The following SPIRE1 variants were observed in gnomAD, a reference collection of about 807,000 sequenced individuals.
SPIRE1 encodes the protein protein spire homolog 1.
A neutral mutation model predicts 94.1 loss-of-function variants in SPIRE1; 40 were observed. The observed-to-expected ratio is 0.43, with a 90% CI of 0.33 to 0.55. The LOEUF (loss-of-function observed/expected upper bound fraction) is 0.55. Ranked by LOEUF, SPIRE1 falls within the 20% of genes least tolerant of loss-of-function variation. The pLI is 0.06. For synonymous variants in SPIRE1, 376 were observed against 371.7 expected (o/e 1.01, Z -0.13); for missense variants, 838 against 975.2 (o/e 0.86, Z 1.87).
chr18:12,456,268 C>G (rs1472758601), intron 12 of SPIRE1, among the ~76,000 whole-genome samples: 1 of 152,206 alleles, frequency 6.6e-6, no homozygotes, highest in Non-Finnish European at 1.5e-5. Context: ...CTCTGTTTTG[C>G]TCCATCCTCA....
chr18:12,593,024 T>G (rs1337788934), intron 2 of SPIRE1, among the ~76,000 whole-genome samples: 1 of 152,226 alleles, frequency 6.6e-6, no homozygotes, highest in East Asian at 1.9e-4. Context: ...AATGTTACTG[T>G]TAGGTTCTCT....
intron 2 of SPIRE1, among the ~76,000 whole-genome samples, chr18:12,561,209 C>A (rs1451813822): frequency 3.3e-5 from 5 of 151,324 alleles, no homozygotes; most frequent in Non-Finnish European, 4.4e-5. Context: ...TCTCCTTACA[C>A]AAGTTACACT....
chr18:12,577,661 A>T lies in SPIRE1; in HGVS notation c.373-30757T>A, dbSNP rs1345137477. On this transcript the variant is annotated intron_variant, in intron 2 of 16. Coordinates refer to ENST00000409402, the MANE Select transcript of SPIRE1 (RefSeq NM_001128626.2). ...ATAAAATAAAAAGTTGACAAATTAG[A>T]GTTGATCAAAATCAAAACTTTTATC... Among the ~76,000 whole-genome samples, 3 of 152,230 alleles carry T rather than the reference A, an allele frequency of 2.0e-5. No individual in the cohort carries two copies. In the East Asian group the frequency reaches 5.8e-4, roughly 29 times the overall value.
chr18:12,533,439 G>A (rs150456029), intron 4 of SPIRE1, among the ~76,000 whole-genome samples: 1 of 152,170 alleles, frequency 6.6e-6, no homozygotes, highest in Non-Finnish European at 1.5e-5. Context: ...GATGAGTAAT[G>A]TGCTGACATA....
At chr18:12,502,127 C>G (rs2033686802) in intron 6 of SPIRE1, among the ~76,000 whole-genome samples, 1 of 152,158 alleles carries the variant, frequency 6.6e-6, no homozygotes, top group Non-Finnish European at 1.5e-5. Flanking sequence ...TAGACTCTAG[C>G]TGAGGACTGT....
At chr18:12,582,716 G>A (rs558030680) in intron 2 of SPIRE1, among the ~76,000 whole-genome samples, 17 of 152,234 alleles carry the variant, frequency 1.1e-4, no homozygotes, top group Admixed American at 4.6e-4. Flanking sequence ...CAGAGCATGG[G>A]AGCCAGGTTA....
intron 2 of SPIRE1, among the ~76,000 whole-genome samples, chr18:12,626,887 T>TATATATA (rs1555634099): frequency 0.029 from 1,524 of 53,382 alleles, 17 homozygotes; most frequent in African/African-American, 0.06. Context: ...TATATATATA[T>TATATATA]TTTTTTTTTT....
chr18:12,501,899 C>T (rs550275834), intron 6 of SPIRE1, among the ~76,000 whole-genome samples: 1 of 152,318 alleles, frequency 6.6e-6, no homozygotes, highest in Non-Finnish European at 1.5e-5. Flanking sequence ...GAGGTTAAGA[C>T]TGTGGTGAGC....
intron 2 of SPIRE1, among the ~76,000 whole-genome samples, chr18:12,618,643 G>A (rs1347088430): frequency 6.6e-6 from 1 of 151,956 alleles, no homozygotes; most frequent in Non-Finnish European, 1.5e-5. Context: ...AACAAAAACC[G>A]CTCCAAATTC....
At chr18:12,595,403 A>G (rs915483316) in intron 2 of SPIRE1, among the ~76,000 whole-genome samples, 1 of 152,220 alleles carries the variant, frequency 6.6e-6, no homozygotes, top group African/African-American at 2.4e-5. Flanking sequence ...CTTAAGTTTG[A>G]GAGAGTCAAA....
At chr18:12,451,554 AG>A (rs1477298307) in intron 16 of SPIRE1, among the ~76,000 whole-genome samples, 1 of 152,166 alleles carries the variant, frequency 6.6e-6, no homozygotes, top group Non-Finnish European at 1.5e-5. Context: ...GAGGTCTCAG[AG>A]GAGGCAGCCC....
rs774082973 is a variant in SPIRE1, at chr18:12,452,373, G to T, written c.1894C>A (p.Pro632Thr). The T allele has an allele frequency of 1.9e-6, 3 of 1,614,174 alleles. No individual in the cohort carries two copies. The highest frequency in any genetic ancestry group is 2.5e-6 in the Non-Finnish European group (3 of 1,180,040). ...GAAAAGATAGGAAGAGTGGAGTATG[G>T]TTTGGAGGGCAGCCGCATCTATTAT... The part of the protein sequence containing the change: ...CCKKMRLPSK[P>T]YSTLPIFSLG... The change falls in exon 16 of 17, where the codon CCA becomes ACA. Residue 632 changes from proline (P) to threonine (T), a missense_variant. Physicochemically the swap from Pro to Thr is conservative, Grantham distance 38 (BLOSUM62 -1). Around this residue, in one of 2 missense-constraint regions of SPIRE1, gnomAD observed 645 missense variants for 804.7 expected, o/e 0.80. Transcript: ENST00000409402.
chr18:12,566,228 C>T (rs1306225892), intron 2 of SPIRE1, among the ~76,000 whole-genome samples: 3 of 151,688 alleles, frequency 2.0e-5, no homozygotes, highest in Non-Finnish European at 2.9e-5. Context: ...CCCAGCTACA[C>T]GGGAGGCTGA....
intron 9 of SPIRE1, among the ~76,000 whole-genome samples, chr18:12,481,006 G>A (rs2032821335): frequency 1.3e-5 from 2 of 152,078 alleles, no homozygotes; most frequent in Admixed American, 1.3e-4. Context: ...CTTTTAGAGG[G>A]GAAAGCACTG....
In SPIRE1 at chr18:12,461,108, C is replaced by T. The variant is rs150807330; in HGVS notation, c.1638+2243G>A. Among the ~76,000 whole-genome samples, 199 of 152,212 alleles carry T rather than the reference C, an allele frequency of 1.3e-3. 1 individual carries two copies. The highest frequency in any genetic ancestry group is 4.5e-3 in the African/African-American group (187 of 41,522). On this transcript the variant is annotated intron_variant, in intron 12 of 16. Coordinates refer to ENST00000409402, the MANE Select transcript of SPIRE1 (RefSeq NM_001128626.2). ...AAAAAAACAGTGCACGGCCTGACCTCGCAACACTAAGAGCTCTGCTTTAAC... is the reference window on the plus strand; with the variant it reads ...AAAAAAACAGTGCACGGCCTGACCTTGCAACACTAAGAGCTCTGCTTTAAC...
chr18:12,538,962 T>G (rs1377513434), intron 3 of SPIRE1, among the ~76,000 whole-genome samples: 1 of 152,236 alleles, frequency 6.6e-6, no homozygotes, highest in African/African-American at 2.4e-5. Flanking sequence ...GCTACCATTT[T>G]CTTTCATTAG....
intron 10 of SPIRE1, among the ~76,000 whole-genome samples, chr18:12,465,212 T>C (rs974680003): frequency 1.3e-5 from 2 of 152,150 alleles, no homozygotes; most frequent in Non-Finnish European, 2.9e-5. Context: ...GGTCTCACTC[T>C]GTTGCTCTGG....
chr18:12,620,077 G>A (rs1461962530), intron 2 of SPIRE1, among the ~76,000 whole-genome samples: 1 of 152,042 alleles, frequency 6.6e-6, no homozygotes, highest in African/African-American at 2.4e-5. Context: ...ACTTAGGGAG[G>A]CAGAGACAGG....
rs767141864 is a variant in SPIRE1, at chr18:12,448,366, A to G, written c.*1272T>C. ...AGGAAATTATTGTGCATGTGCATTA[A>G]CAGATTTTCCAAACATTAATGACAA... On this transcript the variant is annotated 3_prime_UTR_variant, in exon 17 of 17. Coordinates refer to ENST00000409402, the MANE Select transcript of SPIRE1 (RefSeq NM_001128626.2). The surrounding 1 kb of genome is among the most constrained non-coding windows in gnomAD (Gnocchi z 4.4). 3.3e-5 allele frequency: 5 copies of G among 152,640 alleles called. No individual in the cohort carries two copies. The highest frequency in any genetic ancestry group is 7.3e-5 in the Non-Finnish European group (5 of 68,046). 9.5% of individuals were successfully genotyped at this position (152,640 alleles called of 1,614,324 possible). A position where few individuals can be genotyped will look rare whatever the true frequency, so the allele number is the denominator to read the frequency against.
Sources: allele counts gnomAD v4.1 joint callset (sites outside exome capture counted in the v4.1 genomes callset), GRCh38; gene constraint gnomAD v4.1.1; regional missense constraint gnomAD v4.1.1; non-coding constraint Gnocchi (gnomAD v3.1); transcripts MANE v1.5; gene names NCBI Gene and HGNC (gene_info 2026-07-23, HGNC 2026-07-21).